Variants in PXDNL observed in about 807,000 individuals in gnomAD.
PXDNL encodes probable oxidoreductase PXDNL.
In PXDNL, 145 loss-of-function variants were observed where a neutral mutation model predicts 150.8. That is an observed-to-expected ratio of 0.96 (90% CI 0.84 to 1.10). The LOEUF (loss-of-function observed/expected upper bound fraction) is 1.10. Ranked by LOEUF, PXDNL falls within the 50% of genes least tolerant of loss-of-function variation. The probability of loss-of-function intolerance (pLI) is 0.00; values close to 1 mark genes in which losing one functional copy is unlikely to be tolerated. For missense variants in PXDNL, 2,087 were observed against 1,873.9 expected, an observed-to-expected ratio of 1.11 and a Z score of -2.10; for synonymous variants, 757 against 725.7, an observed-to-expected ratio of 1.04 and a Z score of -0.69.
In PXDNL at chr8:51,352,157, TA is replaced by T. The variant is rs962425251; in HGVS notation, c.3902-6211del. The stretch of plus-strand genomic sequence containing the variant: ...TGAATCAGGAAGATAATTCCCACCA[TA>T]AAAAAAAATGTACTGTAGTATGGAG... On this transcript the variant is annotated intron_variant, in intron 19 of 22. Coordinates refer to ENST00000356297, the MANE Select transcript of PXDNL (RefSeq NM_144651.5). 1.3e-3 allele frequency among the ~76,000 whole-genome samples: 201 copies of T among 150,290 alleles called. 1 individual carries two copies. The highest frequency in any genetic ancestry group is 4.6e-3 in the African/African-American group (187 of 41,018).
At chr8:51,641,516 AC>A (rs1193889618) in intron 2 of PXDNL, among the ~76,000 whole-genome samples, 4 of 152,284 alleles carry the variant, frequency 2.6e-5, no homozygotes, top group South Asian at 2.1e-4. Context: ...CAAGAAAAAA[AC>A]AAACAACCCT....
chr8:51,540,394 C>T (rs553690249), intron 4 of PXDNL, among the ~76,000 whole-genome samples: 4 of 152,238 alleles, frequency 2.6e-5, no homozygotes, highest in African/African-American at 9.6e-5. Context: ...TCTACTTTCG[C>T]TTTAGATATA....
At chr8:51,670,584 G>A (rs1433221043) in intron 1 of PXDNL, among the ~76,000 whole-genome samples, 1 of 152,060 alleles carries the variant, frequency 6.6e-6, no homozygotes, top group African/African-American at 2.4e-5. Context: ...ATAATCTTAT[G>A]GGACCACCAT....
At chr8:51,382,115 G>A (rs1304279308) in intron 17 of PXDNL, among the ~76,000 whole-genome samples, 2 of 152,078 alleles carry the variant, frequency 1.3e-5, no homozygotes, top group African/African-American at 4.8e-5. Flanking sequence ...GGGATTACGT[G>A]TGTGAGCCAC....
At chr8:51,552,220 T>C (rs1166345784) in intron 4 of PXDNL, among the ~76,000 whole-genome samples, 1 of 152,046 alleles carries the variant, frequency 6.6e-6, no homozygotes, top group Non-Finnish European at 1.5e-5. Flanking sequence ...GGAACACTTT[T>C]ACAATGCTGG....
chr8:51,534,089 T>C (rs1447409218), intron 4 of PXDNL, among the ~76,000 whole-genome samples: 1 of 143,244 alleles, frequency 7.0e-6, no homozygotes, highest in East Asian at 2.2e-4. Flanking sequence ...GGCGTGTCTC[T>C]GCCCGGCCGC....
At chr8:51,807,458 G>C (rs1323025814) in intron 1 of PXDNL, among the ~76,000 whole-genome samples, 2 of 152,084 alleles carry the variant, frequency 1.3e-5, no homozygotes, top group Non-Finnish European at 2.9e-5. Flanking sequence ...CCAACATTGG[G>C]AGTTACAATT....
At chr8:51,425,860 C>A (rs962062097) in intron 13 of PXDNL, among the ~76,000 whole-genome samples, 1 of 151,756 alleles carries the variant, frequency 6.6e-6, no homozygotes, top group Non-Finnish European at 1.5e-5. Flanking sequence ...ACTGAGAGGA[C>A]ATGAACCGAA....
chr8:51,513,585 G>T (rs1034521115), intron 4 of PXDNL, among the ~76,000 whole-genome samples: 1 of 152,200 alleles, frequency 6.6e-6, no homozygotes, highest in African/African-American at 2.4e-5. Flanking sequence ...AGAAAAATTA[G>T]CATTGGTCAC....
chr8:51,581,055 TAGG>T (rs896195366), intron 3 of PXDNL, among the ~76,000 whole-genome samples: 2 of 152,080 alleles, frequency 1.3e-5, no homozygotes, highest in African/African-American at 2.4e-5. Context: ...GGTGGCTGAT[TAGG>T]AGAACTGGTC....
chr8:51,658,344 G>GAAAAAAAAAAAAAAAAGAAA (rs1815195437), intron 1 of PXDNL, among the ~76,000 whole-genome samples: 3 of 94,232 alleles, frequency 3.2e-5, no homozygotes, highest in Admixed American at 1.2e-4. Flanking sequence ...CCTGTCTCAA[G>GAAAAAAAAAAAAAAAAGAAA]AAAAAAAAAA....
chr8:51,681,574 G>C (rs947811151), intron 1 of PXDNL, among the ~76,000 whole-genome samples: 6 of 152,226 alleles, frequency 3.9e-5, no homozygotes, highest in African/African-American at 1.4e-4. Flanking sequence ...GAGTCACCCA[G>C]GGCCTGGCAT....
At chr8:51,774,054 C>T (rs1319219500) in intron 1 of PXDNL, among the ~76,000 whole-genome samples, 1 of 152,136 alleles carries the variant, frequency 6.6e-6, no homozygotes, top group African/African-American at 2.4e-5. Context: ...AGTGTAATTT[C>T]AGCACTTTGA....
chr8:51,712,352 C>A (rs879869407), intron 1 of PXDNL, among the ~76,000 whole-genome samples: 34 of 152,314 alleles, frequency 2.2e-4, no homozygotes, highest in African/African-American at 6.5e-4. Flanking sequence ...TTAGGCACAT[C>A]TGACTGGCTT....
intron 4 of PXDNL, among the ~76,000 whole-genome samples, chr8:51,537,338 C>T (rs149545423): frequency 6.6e-6 from 1 of 152,336 alleles, no homozygotes; most frequent in East Asian, 1.9e-4. Context: ...TTTCACTAAT[C>T]TCCACCTATC....
chr8:51,472,721 A>C (rs541967159), intron 7 of PXDNL, among the ~76,000 whole-genome samples: 1 of 152,328 alleles, frequency 6.6e-6, no homozygotes, highest in Non-Finnish European at 1.5e-5. Context: ...ATTTACAACA[A>C]GTGATATGTC....
intron 17 of PXDNL, among the ~76,000 whole-genome samples, chr8:51,390,769 A>G (rs1807873890): frequency 6.6e-6 from 1 of 151,962 alleles, no homozygotes; most frequent in South Asian, 2.1e-4. Flanking sequence ...TTATACTTTA[A>G]GTTTTAGGGT....
At chr8:51,558,940 A>T (rs1005941447) in intron 3 of PXDNL, among the ~76,000 whole-genome samples, 9 of 152,068 alleles carry the variant, frequency 5.9e-5, no homozygotes, top group African/African-American at 2.2e-4. Flanking sequence ...AGGACCCTCA[A>T]ATTCTTCCCC....
At chr8:51,349,734 A>G (rs1210099339) in intron 19 of PXDNL, among the ~76,000 whole-genome samples, 1 of 152,224 alleles carries the variant, frequency 6.6e-6, no homozygotes, top group Non-Finnish European at 1.5e-5. Context: ...TGGGAGATTG[A>G]GCTACAGTAG....
Sources: gnomAD v4.1 joint callset for allele counts (sites outside exome capture counted in the v4.1 genomes callset) on GRCh38, gnomAD v4.1.1 for gene constraint, MANE v1.5 for transcripts, NCBI Gene and HGNC (gene_info 2026-07-23, HGNC 2026-07-21) for gene names.